Variants in TET1 observed in about 807,000 individuals in gnomAD.
TET1 encodes the protein tet methylcytosine dioxygenase 1, also known as methylcytosine dioxygenase TET1.
A neutral mutation model predicts 148.7 loss-of-function variants in TET1; 13 were observed. That is an observed-to-expected ratio of 0.09 (90% CI 0.06 to 0.14). The LOEUF (loss-of-function observed/expected upper bound fraction) is 0.14, where lower values mean the gene tolerates loss of function less well. Among genes scored for constraint, TET1 ranks in the 10% least tolerant of loss-of-function variants. The pLI is 1.00. For synonymous variants in TET1, 907 were observed against 937.2 expected (o/e 0.97, Z 0.59); for missense variants, 2,182 against 2,553.8 (o/e 0.85, Z 3.14).
rs71483915 is a variant in TET1, at chr10:68,580,782, CAAAAAAAA to C, written c.1914+6547_1914+6554del. On this transcript the variant is annotated intron_variant, in intron 2 of 11. Coordinates refer to ENST00000373644, the MANE Select transcript of TET1 (RefSeq NM_030625.3). The stretch of plus-strand genomic sequence containing the variant: ...GGGCAACAAGAGCGAAACTCCATCT[CAAAAAAAA>C]AAAAAAAAAAAAAAAATATATATAT... Among the ~76,000 whole-genome samples the C allele has an allele frequency of 2.0e-3, 195 of 95,294 alleles. 1 individual carries two copies. Among genetic ancestry groups the C allele is most frequent in the East Asian group, 2.5e-3 (9 of 3,542 alleles). The allele number at this position is 95,294 out of a possible 152,430, so 62.5% of individuals were successfully genotyped here. A position where few individuals can be genotyped will look rare whatever the true frequency, so the allele number is the denominator to read the frequency against.
chr10:68,691,356 G>C lies in TET1; in HGVS notation c.5953G>C (p.Glu1985Gln), dbSNP rs745972467. The change falls in exon 12 of 12, where the codon GAG becomes CAG. Residue 1985 changes from glutamate to glutamine, a missense_variant. Transcript: ENST00000373644. The surrounding 1 kb of genome is among the most constrained non-coding windows in gnomAD (Gnocchi z 4.4). ...LSDDPLSPAE[E>Q]KLPHIDEYWS... is the part of the protein sequence containing the mutation. Reference sequence around the variant, plus strand: ...TGATGACCCCCTGTCACCTGCTGAGGAGAAATTGCCCCACATTGATGAGTA... The same window carrying C: ...TGATGACCCCCTGTCACCTGCTGAGCAGAAATTGCCCCACATTGATGAGTA... 1.2e-6 allele frequency: 2 copies of C among 1,614,162 alleles called. No homozygotes were observed. The highest frequency in any genetic ancestry group is 1.7e-6 in the Non-Finnish European group (2 of 1,180,038).
At chr10:68,641,623 C>T (rs978137688) in intron 3 of TET1, among the ~76,000 whole-genome samples, 3 of 151,806 alleles carry the variant, frequency 2.0e-5, no homozygotes, top group Admixed American at 6.6e-5. Context: ...CTCAGCTTCT[C>T]GAGTACCTGG....
chr10:68,653,922 C>G (rs1244852399), intron 6 of TET1, among the ~76,000 whole-genome samples: 2 of 151,822 alleles, frequency 1.3e-5, no homozygotes, highest in Non-Finnish European at 2.9e-5. Context: ...GCCTGGCCAA[C>G]ATGGTGAAAC....
Position 68,572,395 on chromosome 10 carries a change from C to CA in TET1, c.65dup (p.Lys23GlufsTer37), listed in dbSNP as rs1196853334. The CA allele has an allele frequency of 5.6e-6, 9 of 1,610,108 alleles. No homozygotes were observed. Among genetic ancestry groups the CA allele is most frequent in the Admixed American group, 3.4e-5 (2 of 59,114 alleles). Reference sequence around the variant, plus strand: ...GATTAGTCAGGAAGGAAGATGTAAACAAAAAAAAGAAAAACAGCCAACTAC... The same window carrying CA: ...GATTAGTCAGGAAGGAAGATGTAAACAAAAAAAAAGAAAAACAGCCAACTAC... On this transcript the variant is annotated frameshift_variant, in exon 2 of 12. Transcript: ENST00000373644. LOFTEE classifies it high-confidence loss of function.
At chr10:68,593,097 T>C (rs1273590004) in intron 2 of TET1, among the ~76,000 whole-genome samples, 1 of 151,942 alleles carries the variant, frequency 6.6e-6, no homozygotes, top group East Asian at 1.9e-4. Flanking sequence ...CTGGGCGTGG[T>C]GGCATGCACT....
intron 1 of TET1, among the ~76,000 whole-genome samples, chr10:68,562,728 G>C (rs1018386602): frequency 2.6e-5 from 4 of 151,810 alleles, no homozygotes; most frequent in African/African-American, 9.7e-5. Flanking sequence ...TGGGAGGGTT[G>C]GGTCTCCACT....
rs146039331 is a variant in TET1 at position 68,690,912 on chromosome 10, G to A, written c.5509G>A (p.Ala1837Thr). 43 of 1,614,122 alleles carry A rather than the reference G, an allele frequency of 2.7e-5. No homozygotes were observed. The African/African-American group carries it at 3.6e-4, about 14-fold the overall frequency. Residue 1837 changes from alanine to threonine, a missense_variant, in exon 12 of 12, where the codon GCT becomes ACT. By Grantham distance (58) the Ala-to-Thr change is moderately conservative. This residue lies in a region of TET1 where 380 missense variants were observed against 387.9 expected (regional missense o/e 0.98). Transcript: ENST00000373644. ...NTKTYSLMPS[A>T]PHPVKEASPG... ...TAAAACTTATTCGCTGATGCCATCC[G>A]CTCCTCACCCAGTGAAAGAGGCATC... is the stretch of plus-strand genomic sequence containing the variant.
chr10:68,622,825 C>CG (rs1346829680), intron 3 of TET1, among the ~76,000 whole-genome samples: 1 of 152,036 alleles, frequency 6.6e-6, no homozygotes, highest in Non-Finnish European at 1.5e-5. Flanking sequence ...AGGACCCTCC[C>CG]GCCTTAGCCT....
At chr10:68,644,670 T>C in intron 3 of TET1, 28 bp from the exon 4 acceptor site, 1 of 1,523,934 alleles carries the variant, frequency 6.6e-7, no homozygotes, top group Non-Finnish European at 8.8e-7. Context: ...TTTAAGTAGA[T>C]GACATAAGTA....
chr10:68,688,029 G>C (rs1311974989), intron 11 of TET1, among the ~76,000 whole-genome samples: 1 of 151,902 alleles, frequency 6.6e-6, no homozygotes, highest in African/African-American at 2.4e-5. Flanking sequence ...CAAACTCTGG[G>C]ATCCCATGGG....
chr10:68,640,369 T>C (rs1461330429), intron 3 of TET1, among the ~76,000 whole-genome samples: 1 of 151,294 alleles, frequency 6.6e-6, no homozygotes, highest in Non-Finnish European at 1.5e-5. Flanking sequence ...GTTCAAGTGA[T>C]TCTCCTGCCT....
At chr10:68,653,489 C>T (rs1437399300) in intron 6 of TET1, among the ~76,000 whole-genome samples, 1 of 152,126 alleles carries the variant, frequency 6.6e-6, no homozygotes, top group African/African-American at 2.4e-5. Context: ...CGTTTCATTA[C>T]AAGAATAAAA....
rs1317830123 is a variant in TET1 at position 68,694,099 on chromosome 10, G to T, written c.*2285G>T. On this transcript the variant is annotated 3_prime_UTR_variant, in exon 12 of 12. Transcript: ENST00000373644. ...TTCAAATTGATCTCTCTCTCAATAG[G>T]TTTCTTAACAATCTAAACTTGAAAC... 4.3e-6 allele frequency: 1 copy of T among 232,152 alleles called. No homozygotes were observed. Among genetic ancestry groups the T allele is most frequent in the Non-Finnish European group, 8.5e-6 (1 of 117,524 alleles). The allele number at this position is 232,152 out of a possible 1,614,324, so 14.4% of individuals were successfully genotyped here.
Position 68,646,087 on chromosome 10 carries a change from A to G in TET1, c.3358A>G (p.Lys1120Glu). The G allele has an allele frequency of 6.2e-7, 1 of 1,614,068 alleles. No homozygotes were observed. Among genetic ancestry groups the G allele is most frequent in the Non-Finnish European group, 8.5e-7 (1 of 1,180,008 alleles). The change falls in exon 4 of 12, where the codon AAG (lysine) becomes GAG (glutamate). Residue 1120 changes from lysine to glutamate, a missense_variant. Physicochemically the swap from Lys to Glu is moderately conservative, Grantham distance 56. Around this residue, in one of 11 missense-constraint regions of TET1, gnomAD observed 582 missense variants for 599.5 expected, o/e 0.97. Coordinates refer to ENST00000373644, the MANE Select transcript of TET1 (RefSeq NM_030625.3). ...TGTACAGCAAAAATACAATCAGGAG[A>G]AGGGCACAATACAACAGAAACCACC... ...CNVQQKYNQE[K>E]GTIQQKPPSS...
At chr10:68,612,575 A>G (rs1275070236) in intron 3 of TET1, among the ~76,000 whole-genome samples, 1 of 152,052 alleles carries the variant, frequency 6.6e-6, no homozygotes, top group Admixed American at 6.6e-5. Flanking sequence ...TAATTTGCTT[A>G]AGTTTTTATT....
At chr10:68,630,227 G>C (rs2054549722) in intron 3 of TET1, among the ~76,000 whole-genome samples, 1 of 152,164 alleles carries the variant, frequency 6.6e-6, no homozygotes, top group African/African-American at 2.4e-5. Flanking sequence ...TTTGAGAGGA[G>C]CCTTGGGTTA....
At chr10:68,661,694 A>C (rs2055117650) in intron 6 of TET1, among the ~76,000 whole-genome samples, 2 of 151,828 alleles carry the variant, frequency 1.3e-5, no homozygotes, top group South Asian at 2.1e-4. Flanking sequence ...TTCATTGCCC[A>C]GGCTGGTCTT....
chr10:68,615,091 C>T (rs1394969737), intron 3 of TET1, among the ~76,000 whole-genome samples: 12 of 151,914 alleles, frequency 7.9e-5, no homozygotes, highest in Non-Finnish European at 1.8e-4. Context: ...TGTGCCACCA[C>T]ACCCGGCTAA....
chr10:68,693,150 G>A lies in TET1; in HGVS notation c.*1336G>A. 1 of 230,828 alleles carries A rather than the reference G, an allele frequency of 4.3e-6. No individual in the cohort carries two copies. The highest frequency in any genetic ancestry group is 1.8e-4 in the South Asian group (1 of 5,406). 14.3% of individuals were successfully genotyped at this position (230,828 alleles called of 1,614,324 possible). ...TAATTGCCTATGTTCTAGGTAACAG[G>A]AAAACAGGCATTAAGTTTATTTTAG... is the stretch of plus-strand genomic sequence containing the variant. On this transcript the variant is annotated 3_prime_UTR_variant, in exon 12 of 12. Coordinates refer to ENST00000373644, the MANE Select transcript of TET1 (RefSeq NM_030625.3).
Sources: allele counts gnomAD v4.1 joint callset (sites outside exome capture counted in the v4.1 genomes callset), GRCh38; gene constraint gnomAD v4.1.1; regional missense constraint gnomAD v4.1.1; non-coding constraint Gnocchi (gnomAD v3.1); transcripts MANE v1.5; gene names NCBI Gene and HGNC (gene_info 2026-07-23, HGNC 2026-07-21).